Variants in GSN observed in about 807,000 individuals in gnomAD.
GSN encodes actin-depolymerizing factor.
In GSN, 56 loss-of-function variants were observed where a neutral mutation model predicts 85.7. The ratio of observed to expected loss-of-function variants is 0.65; its 90% CI spans 0.53 to 0.82. The LOEUF is 0.82. GSN is among the 40% of genes least tolerant of loss of function. The pLI is 0.00. For synonymous variants in GSN, 373 were observed against 399.1 expected (o/e 0.93, Z 0.78); for missense variants, 857 against 979.8 (o/e 0.87, Z 1.67).
chr9:121,301,237 TG>T (rs977031901), intron 2 of GSN, among the ~76,000 whole-genome samples: 4 of 152,196 alleles, frequency 2.6e-5, no homozygotes, highest in African/African-American at 9.7e-5. Context: ...TCTTGGAGCC[TG>T]GGGCAACCCC....
chr9:121,307,126 A>C (rs1235495753), intron 4 of GSN, among the ~76,000 whole-genome samples: 2 of 152,168 alleles, frequency 1.3e-5, no homozygotes, highest in Non-Finnish European at 2.9e-5. Flanking sequence ...GGTTGCAGTG[A>C]GCCGAGATCG....
chr9:121,203,090 G>T (rs180846996), upstream of GSN: 3,780 of 152,028 alleles, frequency 0.025, 78 homozygotes, highest in Middle Eastern at 0.044. Context: ...TCGCGCCACT[G>T]CGCTCCAGCC....
At position 121,329,157 on chromosome 9, in the gene GSN, C is replaced by T. The variant is rs2063601684; in HGVS notation, c.1888-81C>T. ...CCCCTGCCAGCTGCAGCCAGCTGTGCCACTCCCTCAGGGGGCAGATAAAGG... is the reference window on the plus strand; with the variant it reads ...CCCCTGCCAGCTGCAGCCAGCTGTGTCACTCCCTCAGGGGGCAGATAAAGG... On this transcript the variant is annotated intron_variant, in intron 15 of 17. Coordinates refer to ENST00000432226, the MANE Select transcript of GSN (RefSeq NM_198252.3). This position sits in a 1 kb window ranked among gnomAD's most constrained non-coding sequence, Gnocchi z 4.6. 2.1e-6 allele frequency: 3 copies of T among 1,453,412 alleles called. No homozygotes were observed. Among genetic ancestry groups the T allele is most frequent in the East Asian group, 4.5e-5 (2 of 44,042 alleles). The allele number at this position is 1,453,412 out of a possible 1,614,324, so 90.0% of individuals were successfully genotyped here. A position where few individuals can be genotyped will look rare whatever the true frequency, so the allele number is the denominator to read the frequency against.
chr9:121,211,357 T>C (rs1022752019), intron 4 of GSN, among the ~76,000 whole-genome samples: 3 of 152,138 alleles, frequency 2.0e-5, no homozygotes, highest in Non-Finnish European at 4.4e-5. Context: ...AAAAAGCATA[T>C]GACAGCAAAA....
At chr9:121,317,298 C>T (rs1564544041) in intron 8 of GSN, 80 bp downstream of exon 8, 1 of 1,475,970 alleles carries the variant, frequency 6.8e-7, no homozygotes, top group Non-Finnish European at 9.5e-7. Context: ...GAACTCAGCT[C>T]CCGGGGAGTG....
At chr9:121,288,244 G>A (rs905255407) in intron 2 of GSN, among the ~76,000 whole-genome samples, 2 of 152,086 alleles carry the variant, frequency 1.3e-5, no homozygotes, top group Admixed American at 6.5e-5. Context: ...CTGTCTCTCC[G>A]AAGATCCAGA....
Position 121,302,985 on chromosome 9 carries a change from C to A in GSN, c.271C>A (p.Arg91=). The part of the protein sequence containing the change: ...TVQLDDYLNG[R]AVQHREVQGF... The stretch of plus-strand genomic sequence containing the variant: ...GCAGCTGGATGACTACCTGAACGGC[C>A]GGGCCGTGCAGCACCGTGAGGTCCA... The change falls in exon 4 of 18, where the codon CGG becomes AGG. Residue 91 remains arginine, a synonymous_variant. Transcript: ENST00000432226. The A allele has an allele frequency of 6.2e-7, 1 of 1,613,968 alleles. No individual in the cohort carries two copies. The highest frequency in any genetic ancestry group is 8.5e-7 in the Non-Finnish European group (1 of 1,179,982).
At chr9:121,258,725 GTT>G (rs34130574) in intron 6 of GSN, among the ~76,000 whole-genome samples, 2 of 147,482 alleles carry the variant, frequency 1.4e-5, no homozygotes, top group African/African-American at 4.9e-5. Flanking sequence ...TCTATTACAA[GTT>G]TTTTTTTTTT....
intron 1 of GSN, among the ~76,000 whole-genome samples, chr9:121,208,334 C>T (rs2053917295): frequency 6.6e-6 from 1 of 152,174 alleles, no homozygotes; most frequent in Admixed American, 6.5e-5. Flanking sequence ...GAGCCCTGAA[C>T]CCCTTCCCCA....
At chr9:121,279,169 G>C (rs927620747) in intron 1 of GSN, among the ~76,000 whole-genome samples, 1 of 152,226 alleles carries the variant, frequency 6.6e-6, no homozygotes, top group Non-Finnish European at 1.5e-5. Flanking sequence ...CAGGAACAGA[G>C]TGCCATTGCA....
In GSN at chr9:121,312,213, G is replaced by A. The variant is rs540870265; in HGVS notation, c.514-126G>A. 7.6e-4 allele frequency: 732 copies of A among 960,232 alleles called. 10 individuals carry two copies. The Middle Eastern group carries it at 0.018, about 24-fold the overall frequency. 59.5% of individuals were successfully genotyped at this position (960,232 alleles called of 1,614,324 possible). ...TAATGCACGTGTGCAGACTGTGCCAGCCTTCACCTGGGCAAGTGCAGAACA... is the reference window on the plus strand; with the variant it reads ...TAATGCACGTGTGCAGACTGTGCCAACCTTCACCTGGGCAAGTGCAGAACA... On this transcript the variant is annotated intron_variant, in intron 5 of 17. Transcript: ENST00000432226.
intron 4 of GSN, chr9:121,309,326 C>T (rs1010447899): frequency 1.3e-5 from 2 of 152,192 alleles, no homozygotes; most frequent in African/African-American, 2.4e-5. Context: ...GGGAAGCTCT[C>T]CTGAACGCCT....
At chr9:121,218,446 C>G (rs74440954) in intron 4 of GSN, among the ~76,000 whole-genome samples, 105 of 152,114 alleles carry the variant, frequency 6.9e-4, no homozygotes, top group African/African-American at 2.3e-3. Flanking sequence ...ACCAGCCTGG[C>G]CAATATGGCA....
At chr9:121,234,896 A>G (rs1349227797) in intron 5 of GSN, among the ~76,000 whole-genome samples, 1 of 152,224 alleles carries the variant, frequency 6.6e-6, no homozygotes, top group East Asian at 1.9e-4. Flanking sequence ...GGACATTGCC[A>G]TGAGAACAAT....
At chr9:121,311,209 G>A (rs761426260) in intron 5 of GSN, 12 of 337,306 alleles carry the variant, frequency 3.6e-5, no homozygotes, top group South Asian at 5.5e-5. Context: ...ATGTATACTC[G>A]GGTATGTTGT....
chr9:121,304,036 A>G (rs746027550), intron 4 of GSN, among the ~76,000 whole-genome samples: 5 of 152,184 alleles, frequency 3.3e-5, no homozygotes, highest in Non-Finnish European at 5.9e-5. Flanking sequence ...CTAAACCAAC[A>G]TACCTCTAAT....
chr9:121,318,785 G>A lies in GSN; in HGVS notation c.1096G>A (p.Val366Met), dbSNP rs375323203. The A allele has an allele frequency of 3.8e-5, 62 of 1,614,026 alleles. No individual in the cohort carries two copies. Among genetic ancestry groups the A allele is most frequent in the South Asian group, 1.4e-4 (13 of 91,092 alleles). The stretch of plus-strand genomic sequence containing the variant: ...CTACCTTTCCAGCCATATCGCCAAC[G>A]TGGAGCGGGTGCCCTTCGACGCCGC... ...LSYLSSHIAN[V>M]ERVPFDAATL... is the part of the protein sequence containing the mutation. The change falls in exon 10 of 18, where the codon GTG becomes ATG. Residue 366 changes from valine (V) to methionine (M), a missense_variant. Physicochemically the swap from Val to Met is conservative, Grantham distance 21 (BLOSUM62 1). Coordinates refer to ENST00000432226, the MANE Select transcript of GSN (RefSeq NM_198252.3). The surrounding 1 kb of genome is among the most constrained non-coding windows in gnomAD (Gnocchi z 4.3).
chr9:121,201,955 G>A, the GSN span: 1 of 153,146 alleles, frequency 6.5e-6, no homozygotes, highest in African/African-American at 2.4e-5. Context: ...CGCGCAGCTG[G>A]CGGAGCCCGG....
chr9:121,305,515 G>A (rs891687506), intron 4 of GSN, among the ~76,000 whole-genome samples: 4 of 152,230 alleles, frequency 2.6e-5, no homozygotes, highest in Non-Finnish European at 5.9e-5. Flanking sequence ...CAGCTAGTAA[G>A]TGATTGGACT....
Sources: gnomAD v4.1 joint callset for allele counts (sites outside exome capture counted in the v4.1 genomes callset) on GRCh38, gnomAD v4.1.1 for gene constraint, Gnocchi (gnomAD v3.1) non-coding constraint, MANE v1.5 for transcripts, NCBI Gene and HGNC (gene_info 2026-07-23, HGNC 2026-07-21) for gene names.